Variants in DSG1 observed in about 807,000 individuals in gnomAD.
DSG1 encodes the protein desmoglein 1.
A neutral mutation model predicts 97.5 loss-of-function variants in DSG1; 39 were observed. The observed-to-expected ratio is 0.40, with a 90% CI of 0.31 to 0.52. The LOEUF is 0.52. Ranked by LOEUF, DSG1 falls within the 20% of genes least tolerant of loss-of-function variation. The probability of loss-of-function intolerance (pLI) is 0.53; values close to 1 mark genes in which losing one functional copy is unlikely to be tolerated. For synonymous variants in DSG1, 475 were observed against 443.4 expected, an observed-to-expected ratio of 1.07 and a Z score of -0.90; for missense variants, 1,311 against 1,295.4, an observed-to-expected ratio of 1.01 and a Z score of -0.18.
At chr18:31,352,514 C>A (rs921504664) in intron 14 of DSG1, among the ~76,000 whole-genome samples, 1 of 150,282 alleles carries the variant, frequency 6.7e-6, no homozygotes, top group African/African-American at 2.5e-5. Flanking sequence ...TGAACGTTGG[C>A]CTGCCTTGCT....
At chr18:31,352,983 C>T (rs1598717456) in intron 14 of DSG1, among the ~76,000 whole-genome samples, 1 of 149,774 alleles carries the variant, frequency 6.7e-6, no homozygotes, top group South Asian at 2.1e-4. Flanking sequence ...CAAAGTCATT[C>T]TCCATCCAGC....
At chr18:31,325,611 T>C (rs1303197306) in intron 1 of DSG1, among the ~76,000 whole-genome samples, 1 of 152,184 alleles carries the variant, frequency 6.6e-6, no homozygotes, top group Non-Finnish European at 1.5e-5. Flanking sequence ...TTTTCTTTTT[T>C]TTTTCTTCAT....
chr18:31,354,577 G>T lies in DSG1; in HGVS notation c.2381G>T (p.Ser794Ile), dbSNP rs377003437. The T allele has an allele frequency of 5.6e-6, 9 of 1,614,052 alleles. No homozygotes were observed. The highest frequency in any genetic ancestry group is 6.8e-6 in the Non-Finnish European group (8 of 1,180,044). Reference protein sequence around the residue: ...CLPQETEPVVSGHPPISPHFG... With the variant: ...CLPQETEPVVIGHPPISPHFG... ...CCTCAGGAAACAGAGCCCGTTGTTA[G>T]TGGACACCCACCAATCTCCCCACAT... The change falls in exon 15 of 15, where the codon AGT becomes ATT. Residue 794 changes from serine to isoleucine, a missense_variant. By Grantham distance (142) the Ser-to-Ile change is moderately radical (BLOSUM62 -2). Around this residue, in one of 3 missense-constraint regions of DSG1, gnomAD observed 1,038 missense variants for 964.6 expected, o/e 1.08. Coordinates refer to ENST00000257192, the MANE Select transcript of DSG1 (RefSeq NM_001942.4).
chr18:31,351,925 T>C (rs934136004), intron 14 of DSG1, among the ~76,000 whole-genome samples: 3 of 151,260 alleles, frequency 2.0e-5, no homozygotes, highest in African/African-American at 7.3e-5. Context: ...CTTTATCCAA[T>C]TTGCCAGTCT....
rs371493573 is a variant in DSG1, at chr18:31,334,216, A to G, written c.1005+14A>G. 9.3e-6 allele frequency: 14 copies of G among 1,509,006 alleles called. No individual in the cohort carries two copies. The highest frequency in any genetic ancestry group is 1.7e-5 in the Admixed American group (1 of 59,098). The allele number at this position is 1,509,006 out of a possible 1,614,324, so 93.5% of individuals were successfully genotyped here. A position where few individuals can be genotyped will look rare whatever the true frequency, so the allele number is the denominator to read the frequency against. ...AAGGTTGTTAAGGTATGGTATAATT[A>G]TCCTAAATATTTTGTTTTCTTAATC... On this transcript the variant is annotated intron_variant, in intron 8 of 14. Coordinates refer to ENST00000257192, the MANE Select transcript of DSG1 (RefSeq NM_001942.4).
chr18:31,331,958 A>G, intron 6 of DSG1, 91 bp downstream of exon 6: 1 of 1,293,824 alleles, frequency 7.7e-7, no homozygotes, highest in Non-Finnish European at 1.1e-6. Context: ...GAAGAAAATG[A>G]TGGTTTAAAT....
chr18:31,320,398 T>G (rs1402678334), intron 1 of DSG1, among the ~76,000 whole-genome samples: 1 of 152,176 alleles, frequency 6.6e-6, no homozygotes, highest in Non-Finnish European at 1.5e-5. Flanking sequence ...CTTTAAGATA[T>G]TTAAATTGGT....
rs1353460018 is a variant in DSG1 at position 31,326,901 on chromosome 18, A to G, written c.112A>G (p.Thr38Ala). 1.9e-6 allele frequency: 3 copies of G among 1,613,830 alleles called. No homozygotes were observed. Among genetic ancestry groups the G allele is most frequent in the Non-Finnish European group, 2.5e-6 (3 of 1,179,864 alleles). The part of the protein sequence containing the change: ...QVRDYNTKNG[T>A]IKWHSIRRQK... ...AAGAGATTATAACACTAAAAATGGC[A>G]CCATCAAATGGCATTCAATCCGAAG... The change falls in exon 3 of 15, where the codon ACC (threonine) becomes GCC (alanine). Residue 38 changes from threonine (T) to alanine (A), a missense_variant. Physicochemically the swap from Thr to Ala is moderately conservative, Grantham distance 58. Around this residue, in one of 3 missense-constraint regions of DSG1, gnomAD observed 259 missense variants for 304.1 expected, o/e 0.85. Coordinates refer to ENST00000257192, the MANE Select transcript of DSG1 (RefSeq NM_001942.4).
At position 31,354,565 on chromosome 18, in the gene DSG1, A is replaced by C. The variant is rs977312665; in HGVS notation, c.2369A>C (p.Glu790Ala). 1 of 1,614,164 alleles carries C rather than the reference A, an allele frequency of 6.2e-7. No homozygotes were observed. Among genetic ancestry groups the C allele is most frequent in the African/African-American group, 1.3e-5 (1 of 75,024 alleles). The change falls in exon 15 of 15, where the codon GAG becomes GCG. Residue 790 changes from glutamate (E) to alanine (A), a missense_variant. Around this residue, in one of 3 missense-constraint regions of DSG1, gnomAD observed 1,038 missense variants for 964.6 expected, o/e 1.08. Coordinates refer to ENST00000257192, the MANE Select transcript of DSG1 (RefSeq NM_001942.4). ...TEPVCLPQETEPVVSGHPPIS... is the reference protein window; with the variant it reads ...TEPVCLPQETAPVVSGHPPIS... ...CCAGTTTGCCTTCCTCAGGAAACAG[A>C]GCCCGTTGTTAGTGGACACCCACCA...
chr18:31,347,647 G>A (rs1363708333), intron 14 of DSG1: 2 of 152,180 alleles, frequency 1.3e-5, no homozygotes, highest in African/African-American at 2.4e-5. Context: ...AAGATGAAAC[G>A]AAAGTGTATA....
rs952365042 is a variant in DSG1 at position 31,355,221 on chromosome 18, A to G, written c.3025A>G (p.Thr1009Ala). 1 of 1,604,668 alleles carries G rather than the reference A, an allele frequency of 6.2e-7. No homozygotes were observed. Among genetic ancestry groups the G allele is most frequent in the Non-Finnish European group, 8.5e-7 (1 of 1,173,870 alleles). Residue 1009 changes from threonine (T) to alanine (A), a missense_variant, in exon 15 of 15, where the codon ACA becomes GCA. Transcript: ENST00000257192. ...GGIGLSSLGG[T>A]ASIGHMRSSS... ...CATTGGCCTGAGCAGCTTGGGAGGG[A>G]CAGCCAGCATTGGCCACATGAGGAG... is the stretch of plus-strand genomic sequence containing the variant.
intron 1 of DSG1, among the ~76,000 whole-genome samples, chr18:31,318,745 T>C (rs1159847162): frequency 1.3e-5 from 2 of 151,838 alleles, no homozygotes; most frequent in East Asian, 3.9e-4. Context: ...TTTTTTTGTG[T>C]GTTTGGTGGT....
At chr18:31,336,753 A>G in intron 9 of DSG1, 140 bp downstream of exon 9, 1 of 912,982 alleles carries the variant, frequency 1.1e-6, no homozygotes, top group Non-Finnish European at 1.6e-6. Flanking sequence ...AGTACTATAA[A>G]CTGTGCATTT....
intron 14 of DSG1, among the ~76,000 whole-genome samples, chr18:31,351,215 T>C (rs2071893277): frequency 1.3e-5 from 2 of 149,412 alleles, no homozygotes; most frequent in East Asian, 3.9e-4. Context: ...TCTGCCTTCA[T>C]TTCGTTATGT....
intron 11 of DSG1, among the ~76,000 whole-genome samples, chr18:31,342,077 A>G (rs762602645): frequency 4.6e-5 from 7 of 151,712 alleles, no homozygotes; most frequent in Non-Finnish European, 7.4e-5. Context: ...GGGACTACCC[A>G]TGTGCACCAC....
At chr18:31,345,323 A>C (rs1018187360) in intron 13 of DSG1, 1 of 152,122 alleles carries the variant, frequency 6.6e-6, no homozygotes, top group South Asian at 2.1e-4. Flanking sequence ...CCATCATTTT[A>C]TCTCACCTAC....
intron 9 of DSG1, among the ~76,000 whole-genome samples, chr18:31,337,325 C>T (rs1405101205): frequency 6.6e-6 from 1 of 152,092 alleles, no homozygotes; most frequent in Non-Finnish European, 1.5e-5. Context: ...GGCACGATCC[C>T]GGTTCACTGC....
chr18:31,344,648 A>G (rs531005994), intron 13 of DSG1, among the ~76,000 whole-genome samples: 1 of 152,344 alleles, frequency 6.6e-6, no homozygotes, highest in East Asian at 1.9e-4. Context: ...GCACGTGGGT[A>G]AGACTGTATA....
intron 10 of DSG1, among the ~76,000 whole-genome samples, chr18:31,338,953 A>C (rs1241670811): frequency 1.3e-5 from 2 of 152,190 alleles, no homozygotes; most frequent in Admixed American, 1.3e-4. Context: ...AATGTCAGCC[A>C]TTGTGCCAGA....
Sources: gnomAD v4.1 joint callset for allele counts (sites outside exome capture counted in the v4.1 genomes callset) on GRCh38, gnomAD v4.1.1 for gene constraint, gnomAD v4.1.1 regional missense constraint, MANE v1.5 for transcripts, NCBI Gene and HGNC (gene_info 2026-07-23, HGNC 2026-07-21) for gene names.